Variants in MEF2A observed in about 807,000 individuals in gnomAD.
MEF2A encodes myocyte-specific enhancer factor 2A.
A neutral mutation model predicts 55.8 loss-of-function variants in MEF2A; 28 were observed. The ratio of observed to expected loss-of-function variants is 0.50; its 90% confidence interval spans 0.37 to 0.69. The LOEUF is 0.69. Among genes scored for constraint, MEF2A ranks in the 30% least tolerant of loss-of-function variants. The pLI is 0.00. For synonymous variants in MEF2A, 239 were observed against 227.1 expected (o/e 1.05, Z -0.47); for missense variants, 528 against 626.2 (o/e 0.84, Z 1.67).
chr15:99,669,882 A>T (rs2050516080), intron 4 of MEF2A, among the ~76,000 whole-genome samples: 1 of 152,220 alleles, frequency 6.6e-6, no homozygotes, highest in South Asian at 2.1e-4. Flanking sequence ...AAATATCTTT[A>T]GATCTAATTT....
At chr15:99,628,904 A>G (rs2042459327) in intron 2 of MEF2A, among the ~76,000 whole-genome samples, 1 of 151,528 alleles carries the variant, frequency 6.6e-6, no homozygotes, top group Non-Finnish European at 1.5e-5. Context: ...ATTTCCTGAT[A>G]ACAGACTCTG....
intron 1 of MEF2A, among the ~76,000 whole-genome samples, chr15:99,574,425 A>G (rs966292283): frequency 3.3e-5 from 5 of 152,198 alleles, no homozygotes; most frequent in Admixed American, 2.6e-4. Flanking sequence ...ATTACATTGT[A>G]ATATGTGATG....
At chr15:99,697,556 C>CA (rs1224788302) in intron 8 of MEF2A, among the ~76,000 whole-genome samples, 3 of 151,624 alleles carry the variant, frequency 2.0e-5, no homozygotes, top group African/African-American at 2.4e-5. Flanking sequence ...TTGAAGACTG[C>CA]AAAACACTGA....
chr15:99,667,379 C>G (rs1432823692), intron 4 of MEF2A, among the ~76,000 whole-genome samples: 3 of 152,146 alleles, frequency 2.0e-5, no homozygotes, highest in Non-Finnish European at 2.9e-5. Flanking sequence ...CGCCACCACG[C>G]CCAGCTAACT....
At chr15:99,595,153 G>A (rs142543162) in intron 1 of MEF2A, among the ~76,000 whole-genome samples, 9 of 152,212 alleles carry the variant, frequency 5.9e-5, no homozygotes, top group African/African-American at 2.2e-4. Context: ...TAGTATTTGC[G>A]TTCCCTCTTG....
chr15:99,584,535 G>T (rs950460235), intron 1 of MEF2A, among the ~76,000 whole-genome samples: 1 of 152,094 alleles, frequency 6.6e-6, no homozygotes, highest in Non-Finnish European at 1.5e-5. Flanking sequence ...TGCTGCAACA[G>T]GGATGAATCT....
At position 99,574,261 on chromosome 15, in the gene MEF2A, T is replaced by C. The variant is rs549619013; in HGVS notation, c.-225+8157T>C. Among the ~76,000 whole-genome samples the C allele has an allele frequency of 3.9e-5, 6 of 152,306 alleles. No individual in the cohort carries two copies. The East Asian group carries it at 5.8e-4, about 15-fold the overall frequency. On this transcript the variant is annotated intron_variant, in intron 1 of 11. Coordinates refer to ENST00000557942, the MANE Select transcript of MEF2A (RefSeq NM_001319206.4). ...TTATTTACAGATTGAAACTCCTTGA[T>C]TACATCTTCTGCCTAGAGCAGCTAT...
intron 7 of MEF2A, chr15:99,678,585 C>G (rs1427942220): frequency 2.3e-6 from 2 of 871,244 alleles, no homozygotes; most frequent in Non-Finnish European, 2.8e-6. Flanking sequence ...TTCCATTTGC[C>G]TTGTTCGTAT....
chr15:99,653,895 G>A (rs1219653232), intron 4 of MEF2A, among the ~76,000 whole-genome samples: 1 of 151,796 alleles, frequency 6.6e-6, no homozygotes, highest in Non-Finnish European at 1.5e-5. Context: ...GTAATTTCTG[G>A]GCTTAAGTGT....
chr15:99,648,893 T>G (rs1327404908), intron 4 of MEF2A, among the ~76,000 whole-genome samples: 1 of 152,162 alleles, frequency 6.6e-6, no homozygotes, highest in African/African-American at 2.4e-5. Context: ...GTGTGTTTTG[T>G]GGGAGTACTG....
intron 2 of MEF2A, among the ~76,000 whole-genome samples, chr15:99,614,865 A>G (rs570760713): frequency 6.6e-6 from 1 of 152,292 alleles, no homozygotes; most frequent in African/African-American, 2.4e-5. Context: ...GCTTGTGTCA[A>G]GAAGCTTGCT....
intron 7 of MEF2A, among the ~76,000 whole-genome samples, chr15:99,687,733 T>C (rs1336002176): frequency 6.6e-6 from 1 of 152,240 alleles, no homozygotes; most frequent in Non-Finnish European, 1.5e-5. Flanking sequence ...TTACCTCTAG[T>C]TTGCCCATAT....
intron 7 of MEF2A, among the ~76,000 whole-genome samples, chr15:99,676,472 A>G (rs2052063722): frequency 6.6e-6 from 1 of 151,804 alleles, no homozygotes; most frequent in South Asian, 2.1e-4. Context: ...TGCTTCTCTC[A>G]CATTGGGTTG....
At chr15:99,575,291 A>G (rs1031302518) in intron 1 of MEF2A, among the ~76,000 whole-genome samples, 3 of 152,196 alleles carry the variant, frequency 2.0e-5, no homozygotes, top group African/African-American at 7.2e-5. Context: ...CCAATATTAT[A>G]CAATGCATTT....
intron 4 of MEF2A, among the ~76,000 whole-genome samples, chr15:99,669,305 A>G (rs1221422037): frequency 6.6e-6 from 1 of 152,248 alleles, no homozygotes; most frequent in African/African-American, 2.4e-5. Flanking sequence ...CAACAACTTT[A>G]TGATAAGATC....
At chr15:99,581,579 G>A (rs533657615) in intron 1 of MEF2A, among the ~76,000 whole-genome samples, 1 of 152,000 alleles carries the variant, frequency 6.6e-6, no homozygotes, top group East Asian at 1.9e-4. Flanking sequence ...AATGGCCTAG[G>A]TTCTGCTTCC....
At chr15:99,676,948 C>G (rs2052228233) in intron 7 of MEF2A, among the ~76,000 whole-genome samples, 1 of 151,978 alleles carries the variant, frequency 6.6e-6, no homozygotes, top group African/African-American at 2.4e-5. Flanking sequence ...TGGCAAAACC[C>G]CATCTCTACT....
chr15:99,637,538 G>T (rs2044093863), intron 3 of MEF2A, among the ~76,000 whole-genome samples: 1 of 152,082 alleles, frequency 6.6e-6, no homozygotes, highest in Admixed American at 6.5e-5. Context: ...AACATTTTGG[G>T]AAATGCCAGA....
At chr15:99,657,437 G>A (rs1396586091) in intron 4 of MEF2A, 1 of 151,708 alleles carries the variant, frequency 6.6e-6, no homozygotes, top group Non-Finnish European at 1.5e-5. Flanking sequence ...CTCTTCTGTT[G>A]AAGACATCTA....
Sources: allele counts gnomAD v4.1 joint callset (sites outside exome capture counted in the v4.1 genomes callset), GRCh38; gene constraint gnomAD v4.1.1; transcripts MANE v1.5; gene names NCBI Gene and HGNC (gene_info 2026-07-23, HGNC 2026-07-21).